The following WWC1 variants were observed in gnomAD, a reference collection of about 807,000 sequenced individuals.
The protein encoded by WWC1 is WW and C2 domain containing 1.
WWC1 carries 55 observed loss-of-function variants against 138.4 expected under a neutral mutation model. The ratio of observed to expected loss-of-function variants is 0.40; its 90% CI spans 0.32 to 0.50. WWC1 has a LOEUF of 0.50. Among genes scored for constraint, WWC1 ranks in the 20% least tolerant of loss-of-function variants. The pLI is 0.72. For synonymous variants in WWC1, 524 were observed against 564.9 expected (o/e 0.93, Z 1.03); for missense variants, 1,226 against 1,420.4 (o/e 0.86, Z 2.20).
rs753742618 is a variant in WWC1, at chr5:168,441,685, G to A, written c.2284G>A (p.Gly762Ser). 1 of 1,613,824 alleles carries A rather than the reference G, an allele frequency of 6.2e-7. No individual in the cohort carries two copies. The highest frequency in any genetic ancestry group is 8.5e-7 in the Non-Finnish European group (1 of 1,179,854). ...DRSHLEECLGGAQISLAEVCR... is the reference protein window; with the variant it reads ...DRSHLEECLGSAQISLAEVCR... Reference sequence around the variant, plus strand: ...TCCTTGTTTCCATCCCCAACAGGGAGGCGCCCAGATCAGCCTGGCGGAGGT... The same window carrying A: ...TCCTTGTTTCCATCCCCAACAGGGAAGCGCCCAGATCAGCCTGGCGGAGGT... Residue 762 changes from glycine (G) to serine (S), a missense_variant, in exon 16 of 23, where the codon GGC (glycine) becomes AGC (serine). Around this residue, in one of 3 missense-constraint regions of WWC1, gnomAD observed 1,016 missense variants for 1,153.9 expected, o/e 0.88. Coordinates refer to ENST00000265293, the MANE Select transcript of WWC1 (RefSeq NM_015238.3).
At chr5:168,409,369 G>A (rs1008597654) in intron 7 of WWC1, among the ~76,000 whole-genome samples, 5 of 152,162 alleles carry the variant, frequency 3.3e-5, no homozygotes, top group Admixed American at 3.3e-4. Flanking sequence ...TAACAGACTA[G>A]CACAGAAAAA....
At chr5:168,312,158 C>T (rs1771156068) in intron 1 of WWC1, among the ~76,000 whole-genome samples, 1 of 151,384 alleles carries the variant, frequency 6.6e-6, no homozygotes, top group Non-Finnish European at 1.5e-5. Flanking sequence ...ACAGAGGTTA[C>T]AGTGACCGAG....
At chr5:168,463,024 C>G (rs1756954578) in intron 20 of WWC1, among the ~76,000 whole-genome samples, 1 of 152,224 alleles carries the variant, frequency 6.6e-6, no homozygotes, top group Non-Finnish European at 1.5e-5. Flanking sequence ...AGTATGCTTG[C>G]CAGCCGTGCA....
intron 1 of WWC1, among the ~76,000 whole-genome samples, chr5:168,344,384 G>C (rs886921641): frequency 2.0e-5 from 3 of 152,206 alleles, no homozygotes; most frequent in Non-Finnish European, 4.4e-5. Flanking sequence ...CCAACAGCGA[G>C]TTATGGGGTC....
At chr5:168,295,531 G>T (rs1769466680) in intron 1 of WWC1, among the ~76,000 whole-genome samples, 1 of 125,418 alleles carries the variant, frequency 8.0e-6, no homozygotes, top group Non-Finnish European at 1.6e-5. Context: ...TATTTGCCTT[G>T]GATTTTTCCT....
At chr5:168,342,620 C>T (rs1207671480) in intron 1 of WWC1, among the ~76,000 whole-genome samples, 2 of 151,978 alleles carry the variant, frequency 1.3e-5, no homozygotes, top group African/African-American at 4.8e-5. Context: ...GTTGAAGAGT[C>T]GTGGATGACT....
intron 2 of WWC1, among the ~76,000 whole-genome samples, chr5:168,377,885 A>AT (rs1777338041): frequency 6.6e-6 from 1 of 152,236 alleles, no homozygotes; most frequent in Non-Finnish European, 1.5e-5. Context: ...TTTTTCAAAG[A>AT]ACTTAGAACT....
At chr5:168,431,560 C>T (rs1781946768) in intron 15 of WWC1, 116 bp downstream of exon 15, 1 of 1,161,468 alleles carries the variant, frequency 8.6e-7, no homozygotes, top group Non-Finnish European at 1.2e-6. Context: ...GAAGAAGGTT[C>T]GAAGGAGACG....
intron 8 of WWC1, among the ~76,000 whole-genome samples, chr5:168,410,393 C>T (rs561411481): frequency 1.9e-4 from 29 of 152,362 alleles, no homozygotes; most frequent in African/African-American, 6.5e-4. Flanking sequence ...GTCTCCTGCA[C>T]AGCTGGGAGC....
intron 3 of WWC1, among the ~76,000 whole-genome samples, chr5:168,393,205 G>A (rs576975814): frequency 3.9e-5 from 6 of 152,248 alleles, no homozygotes; most frequent in East Asian, 1.9e-4. Context: ...GAAAAGCATC[G>A]CTGAAATAAT....
At chr5:168,406,783 A>T (rs1328357439) in intron 6 of WWC1, among the ~76,000 whole-genome samples, 4 of 152,120 alleles carry the variant, frequency 2.6e-5, no homozygotes, top group Non-Finnish European at 5.9e-5. Context: ...CTACTAAAAA[A>T]TACAAAAAAT....
At chr5:168,306,762 A>T (rs551183975) in intron 1 of WWC1, among the ~76,000 whole-genome samples, 1 of 151,846 alleles carries the variant, frequency 6.6e-6, no homozygotes, top group Non-Finnish European at 1.5e-5. Flanking sequence ...ACACCCAGCT[A>T]ATTTTTGTAT....
chr5:168,338,424 G>GA (rs140283483), intron 1 of WWC1, among the ~76,000 whole-genome samples: 2 of 81,078 alleles, frequency 2.5e-5, no homozygotes, highest in South Asian at 7.3e-4. Context: ...CTTTTTTTTT[G>GA]GGGGGGGATT....
intron 1 of WWC1, among the ~76,000 whole-genome samples, chr5:168,297,534 G>C (rs1394970361): frequency 2.0e-5 from 3 of 151,354 alleles, no homozygotes; most frequent in African/African-American, 4.9e-5. Flanking sequence ...GCTGAGGCAG[G>C]AGAATCGCTT....
At chr5:168,461,197 C>T (rs933661755) in intron 20 of WWC1, among the ~76,000 whole-genome samples, 1 of 152,060 alleles carries the variant, frequency 6.6e-6, no homozygotes, top group South Asian at 2.1e-4. Context: ...GGCGTGGTAG[C>T]GTGTACCTGT....
intron 1 of WWC1, among the ~76,000 whole-genome samples, chr5:168,360,473 G>A (rs895144585): frequency 6.6e-6 from 1 of 152,224 alleles, no homozygotes; most frequent in Non-Finnish European, 1.5e-5. Context: ...TATTTTACAT[G>A]GAGCATATGG....
Position 168,432,146 on chromosome 5 carries a change from A to T in WWC1, c.2280+702A>T, listed in dbSNP as rs539855331. Among the ~76,000 whole-genome samples the T allele has an allele frequency of 1.1e-4, 16 of 152,162 alleles. No homozygotes were observed. In the South Asian group the frequency reaches 3.1e-3, roughly 30 times the overall value. On this transcript the variant is annotated intron_variant, in intron 15 of 22. Transcript: ENST00000265293. The stretch of plus-strand genomic sequence containing the variant: ...GCTGTATAGCTGGATGACCTTGGGC[A>T]AGGTACTTAACATCTCTGATCCTCA...
intron 10 of WWC1, among the ~76,000 whole-genome samples, chr5:168,422,381 C>A (rs927593433): frequency 1.3e-5 from 2 of 152,192 alleles, no homozygotes; most frequent in Non-Finnish European, 2.9e-5. Flanking sequence ...GTAATCCCAG[C>A]ACTTTGGGAG....
Position 168,455,536 on chromosome 5 carries a change from GC to G in WWC1, c.2823+19del. 2 of 1,610,012 alleles carry G rather than the reference GC, an allele frequency of 1.2e-6. No individual in the cohort carries two copies. Among genetic ancestry groups the G allele is most frequent in the South Asian group, 1.1e-5 (1 of 90,108 alleles). On this transcript the variant is annotated intron_variant, in intron 19 of 22. Transcript: ENST00000265293. ...CGTGTGCCGGGTAAGTGAGCGTGCG[GC>G]CCTCTTCTGCTCCCCTCAGGGTAGC...
Sources: allele counts gnomAD v4.1 joint callset (sites outside exome capture counted in the v4.1 genomes callset), GRCh38; gene constraint gnomAD v4.1.1; regional missense constraint gnomAD v4.1.1; transcripts MANE v1.5; gene names NCBI Gene and HGNC (gene_info 2026-07-23, HGNC 2026-07-21).